CAP2: variants seen among roughly 807,000 people sequenced by gnomAD.
The protein encoded by CAP2 is adenylyl cyclase-associated protein 2.
CAP2 carries 24 observed loss-of-function variants against 57.7 expected under a neutral mutation model. The observed-to-expected ratio is 0.42, with a 90% CI of 0.30 to 0.58. The LOEUF (loss-of-function observed/expected upper bound fraction) is 0.58. Ranked by LOEUF, CAP2 falls within the 20% of genes least tolerant of loss-of-function variation. The pLI is 0.22. For synonymous variants in CAP2, 194 were observed against 207.2 expected (o/e 0.94, Z 0.55); for missense variants, 501 against 590.3 (o/e 0.85, Z 1.57).
At chr6:17,521,141 G>A (rs1185976961) in intron 7 of CAP2, among the ~76,000 whole-genome samples, 3 of 152,176 alleles carry the variant, frequency 2.0e-5, no homozygotes, top group Non-Finnish European at 4.4e-5. Context: ...CTGGCTGGGC[G>A]CAGTGGCTCA....
chr6:17,401,586 G>A (rs1758817797), intron 1 of CAP2, among the ~76,000 whole-genome samples: 1 of 152,144 alleles, frequency 6.6e-6, no homozygotes, highest in African/African-American at 2.4e-5. Flanking sequence ...GTTGATTGAT[G>A]GACAGTTTCA....
intron 1 of CAP2, among the ~76,000 whole-genome samples, chr6:17,412,149 C>T (rs1264908048): frequency 2.0e-5 from 3 of 152,102 alleles, no homozygotes; most frequent in African/African-American, 7.2e-5. Context: ...CTTAGCCTTC[C>T]CCATGGCCTC....
chr6:17,404,184 G>A (rs1758887968), intron 1 of CAP2, among the ~76,000 whole-genome samples: 1 of 152,192 alleles, frequency 6.6e-6, no homozygotes, highest in African/African-American at 2.4e-5. Flanking sequence ...AAGAATTAAA[G>A]GTCTTGGCCA....
chr6:17,524,846 TA>T (rs1762466363), intron 7 of CAP2, among the ~76,000 whole-genome samples: 1 of 151,974 alleles, frequency 6.6e-6, no homozygotes, highest in Non-Finnish European at 1.5e-5. Context: ...CCTCATACCT[TA>T]ATAAGAATCT....
intron 12 of CAP2, among the ~76,000 whole-genome samples, chr6:17,554,817 G>C (rs1241264457): frequency 6.6e-6 from 1 of 152,208 alleles, no homozygotes; most frequent in Non-Finnish European, 1.5e-5. Flanking sequence ...CTTCTTCCTT[G>C]CCTTGGAGGA....
intron 4 of CAP2, among the ~76,000 whole-genome samples, chr6:17,491,682 A>T (rs911923371): frequency 2.6e-5 from 4 of 152,196 alleles, no homozygotes; most frequent in Non-Finnish European, 5.9e-5. Flanking sequence ...GGAGCGAGAC[A>T]TATCTGGGTC....
intron 4 of CAP2, among the ~76,000 whole-genome samples, chr6:17,488,522 T>G (rs753239183): frequency 1.3e-5 from 2 of 152,216 alleles, no homozygotes; most frequent in Non-Finnish European, 2.9e-5. Context: ...ATTAGTCATT[T>G]ATTGTAATTC....
chr6:17,441,907 C>T (rs550483275), intron 3 of CAP2, among the ~76,000 whole-genome samples: 11 of 151,974 alleles, frequency 7.2e-5, no homozygotes, highest in East Asian at 1.9e-4. Flanking sequence ...CTGTTATGTA[C>T]GTAACCTACA....
intron 2 of CAP2, among the ~76,000 whole-genome samples, chr6:17,423,600 G>A (rs1378241174): frequency 1.3e-5 from 2 of 151,734 alleles, no homozygotes; most frequent in Non-Finnish European, 2.9e-5. Flanking sequence ...ACTACCGGGA[G>A]ACTATATAGT....
intron 1 of CAP2, among the ~76,000 whole-genome samples, chr6:17,395,547 C>A (rs749633649): frequency 6.6e-6 from 1 of 152,138 alleles, no homozygotes; most frequent in Non-Finnish European, 1.5e-5. Flanking sequence ...GTGCTAGAAT[C>A]TGGAGAGGAG....
intron 4 of CAP2, among the ~76,000 whole-genome samples, chr6:17,480,308 T>G (rs1395431355): frequency 6.6e-6 from 1 of 152,172 alleles, no homozygotes; most frequent in Non-Finnish European, 1.5e-5. Flanking sequence ...TATGAACATG[T>G]ATAATGTGAC....
intron 3 of CAP2, among the ~76,000 whole-genome samples, chr6:17,431,444 G>A (rs1010402336): frequency 6.6e-6 from 1 of 152,164 alleles, no homozygotes; most frequent in Non-Finnish European, 1.5e-5. Flanking sequence ...ATCACATGCT[G>A]TATAATGTTC....
intron 7 of CAP2, among the ~76,000 whole-genome samples, chr6:17,532,741 A>G (rs7744013): frequency 9.4e-6 from 1 of 105,886 alleles, no homozygotes; most frequent in Non-Finnish European, 1.9e-5. Context: ...GAGCGATACT[A>G]AAAAAAAAAA....
rs143367615 is a variant in CAP2, at chr6:17,456,966, G to C, written c.223-6030G>C. 8.9e-4 allele frequency among the ~76,000 whole-genome samples: 136 copies of C among 152,262 alleles called. 2 individuals are homozygous for C. The highest frequency in any genetic ancestry group is 7.2e-3 in the Admixed American group (110 of 15,298). On this transcript the variant is annotated intron_variant, in intron 3 of 12. Transcript: ENST00000229922. ...CCAGCTGTCTTTCCTGAGGGGATTA[G>C]ATGGAAATAAGTCATATTTCACTAG...
At chr6:17,501,119 C>A (rs753361905) in intron 4 of CAP2, among the ~76,000 whole-genome samples, 3 of 152,192 alleles carry the variant, frequency 2.0e-5, no homozygotes, top group Non-Finnish European at 4.4e-5. Flanking sequence ...TCTCACAATA[C>A]ACGCCAGGAA....
intron 3 of CAP2, among the ~76,000 whole-genome samples, chr6:17,458,411 C>T (rs1487068370): frequency 6.6e-6 from 1 of 151,962 alleles, no homozygotes; most frequent in Non-Finnish European, 1.5e-5. Context: ...AAATAGTCTA[C>T]AAATCTTGGT....
chr6:17,498,774 G>A (rs961551661), intron 4 of CAP2, among the ~76,000 whole-genome samples: 1 of 151,832 alleles, frequency 6.6e-6, no homozygotes, highest in Non-Finnish European at 1.5e-5. Flanking sequence ...TGTCGCCCAG[G>A]CTGGAGTGCA....
In CAP2 at chr6:17,556,536, C is replaced by T. The variant is rs1763320024; in HGVS notation, c.*94C>T. 2.3e-6 allele frequency: 2 copies of T among 863,564 alleles called. No individual in the cohort carries two copies. The highest frequency in any genetic ancestry group is 4.0e-6 in the Non-Finnish European group (2 of 503,160). The allele number at this position is 863,564 out of a possible 1,614,324, so 53.5% of individuals were successfully genotyped here. A position where few individuals can be genotyped will look rare whatever the true frequency, so the allele number is the denominator to read the frequency against. ...GAGCTAGAAGTTGCAGTAGCCCCTA[C>T]TGCTTTAGCTTTGGCCTCCAACGAT... On this transcript the variant is annotated 3_prime_UTR_variant, in exon 13 of 13. Coordinates refer to ENST00000229922, the MANE Select transcript of CAP2 (RefSeq NM_006366.3).
At chr6:17,468,043 A>G (rs1457162885) in intron 4 of CAP2, among the ~76,000 whole-genome samples, 2 of 152,130 alleles carry the variant, frequency 1.3e-5, no homozygotes, top group Non-Finnish European at 2.9e-5. Context: ...TTTAGATCCC[A>G]TAAATAAGTG....
Sources: gnomAD v4.1 joint callset for allele counts (sites outside exome capture counted in the v4.1 genomes callset) on GRCh38, gnomAD v4.1.1 for gene constraint, MANE v1.5 for transcripts, NCBI Gene and HGNC (gene_info 2026-07-23, HGNC 2026-07-21) for gene names.